DLG2: variants seen among roughly 807,000 people sequenced by gnomAD.
DLG2 encodes disks large homolog 2.
In DLG2, 45 loss-of-function variants were observed where a neutral mutation model predicts 132.5. That is an observed-to-expected ratio of 0.34 (90% confidence interval 0.27 to 0.44). The LOEUF is 0.44. DLG2 is among the 20% of genes least tolerant of loss of function. The pLI is 1.00. For synonymous variants in DLG2, 424 were observed against 419.6 expected (o/e 1.01, Z -0.13); for missense variants, 1,045 against 1,196.9 (o/e 0.87, Z 1.87).
intron 16 of DLG2, among the ~76,000 whole-genome samples, chr11:83,866,692 T>C (rs1317539463): frequency 6.6e-6 from 1 of 152,164 alleles, no homozygotes; most frequent in Non-Finnish European, 1.5e-5. Context: ...AAGGAAGATA[T>C]ACACGGTATG....
chr11:85,506,035 A>T (rs1285708544), intron 3 of DLG2, among the ~76,000 whole-genome samples: 1 of 152,138 alleles, frequency 6.6e-6, no homozygotes, highest in Admixed American at 6.6e-5. Context: ...CTCTGATGGT[A>T]GTTTGTATTT....
Position 83,838,099 on chromosome 11 carries a change from T to C in DLG2, c.1566-4329A>G, listed in dbSNP as rs146772626. Among the ~76,000 whole-genome samples the C allele has an allele frequency of 8.0e-3, 1,225 of 152,236 alleles. 13 individuals are homozygous for C. Among genetic ancestry groups the C allele is most frequent in the Non-Finnish European group, 0.014 (968 of 68,004 alleles). On this transcript the variant is annotated intron_variant, in intron 16 of 27. Transcript: ENST00000376104. The stretch of plus-strand genomic sequence containing the variant: ...AGGACTCTGACATTTGTCCCTGTGC[T>C]AGATATTGTGCTTGATGCTTTATAT...
At chr11:85,298,928 C>A (rs2152787540) in intron 3 of DLG2, among the ~76,000 whole-genome samples, 1 of 151,448 alleles carries the variant, frequency 6.6e-6, no homozygotes, top group South Asian at 2.1e-4. Flanking sequence ...GAGATTATTT[C>A]AAAAAAAATT....
intron 16 of DLG2, among the ~76,000 whole-genome samples, chr11:83,871,883 GT>G (rs894736265): frequency 1.3e-5 from 2 of 151,556 alleles, no homozygotes; most frequent in South Asian, 2.1e-4. Flanking sequence ...AATAAATTTT[GT>G]TTTTTTTCAG....
chr11:83,797,430 C>T (rs539292405), intron 17 of DLG2, among the ~76,000 whole-genome samples: 2 of 151,934 alleles, frequency 1.3e-5, no homozygotes, highest in Non-Finnish European at 2.9e-5. Flanking sequence ...GTAACTTGTC[C>T]GAGGGTACAT....
intron 7 of DLG2, among the ~76,000 whole-genome samples, chr11:84,465,959 T>TA (rs1341392298): frequency 1.4e-4 from 21 of 151,416 alleles, no homozygotes; most frequent in Middle Eastern, 6.8e-3. Flanking sequence ...TTATTATCTA[T>TA]AATTAAAATA....
At chr11:84,523,279 C>A (rs61897756) in intron 7 of DLG2, among the ~76,000 whole-genome samples, 10,691 of 152,162 alleles carry the variant, frequency 0.07, 421 homozygotes, top group African/African-American at 0.091. Flanking sequence ...GTAATCTTTA[C>A]AGCATGGAAT....
chr11:84,241,685 T>C (rs971312068), intron 8 of DLG2, among the ~76,000 whole-genome samples: 1 of 152,232 alleles, frequency 6.6e-6, no homozygotes, highest in Admixed American at 6.5e-5. Context: ...GTTTATTTTG[T>C]CCTTCCTGTA....
At chr11:84,769,342 A>G (rs1039458515) in intron 6 of DLG2, among the ~76,000 whole-genome samples, 6 of 152,172 alleles carry the variant, frequency 3.9e-5, no homozygotes, top group Non-Finnish European at 8.8e-5. Context: ...TTTAAAATAC[A>G]ATTGAAAGCT....
intron 6 of DLG2, among the ~76,000 whole-genome samples, chr11:84,820,354 C>T (rs933765969): frequency 6.6e-6 from 1 of 151,864 alleles, no homozygotes; most frequent in African/African-American, 2.4e-5. Context: ...TAACCAGTAT[C>T]CCTTTCCAGT....
intron 18 of DLG2, chr11:83,651,972 C>A (rs555085470): frequency 2.2e-6 from 1 of 445,996 alleles, no homozygotes; most frequent in Non-Finnish European, 4.7e-6. Context: ...AATCTACACA[C>A]TTAAATTCAG....
chr11:85,483,580 G>T (rs546339800), intron 3 of DLG2, among the ~76,000 whole-genome samples: 1 of 152,256 alleles, frequency 6.6e-6, no homozygotes, highest in East Asian at 1.9e-4. Flanking sequence ...ATCAAATCCA[G>T]AATACTCTAA....
At chr11:83,950,593 C>CA (rs1478293708) in intron 14 of DLG2, among the ~76,000 whole-genome samples, 2 of 152,126 alleles carry the variant, frequency 1.3e-5, no homozygotes, top group African/African-American at 4.8e-5. Context: ...AACCCTGTCT[C>CA]AAAAAACAAA....
At chr11:85,288,933 C>G (rs1037394395) in intron 3 of DLG2, among the ~76,000 whole-genome samples, 1 of 152,002 alleles carries the variant, frequency 6.6e-6, no homozygotes, top group African/African-American at 2.4e-5. Flanking sequence ...GCATTTATAT[C>G]AATAAGCTGT....
At chr11:83,508,247 T>TC (rs2139678427) in intron 21 of DLG2, among the ~76,000 whole-genome samples, 1 of 144,664 alleles carries the variant, frequency 6.9e-6, no homozygotes, top group African/African-American at 2.5e-5. Flanking sequence ...ATATACATCT[T>TC]TTTTTTTTTT....
intron 2 of DLG2, among the ~76,000 whole-genome samples, chr11:85,615,575 GATTT>G (rs1162400712): frequency 2.6e-5 from 4 of 151,840 alleles, no homozygotes; most frequent in South Asian, 2.1e-4. Flanking sequence ...CATCATTCCA[GATTT>G]ATTTATCTAG....
chr11:84,684,857 T>A (rs2099736664), intron 6 of DLG2, among the ~76,000 whole-genome samples: 1 of 152,244 alleles, frequency 6.6e-6, no homozygotes. Context: ...AACGTAATTA[T>A]AATGTGTTCC....
intron 17 of DLG2, among the ~76,000 whole-genome samples, chr11:83,828,541 T>C (rs558207241): frequency 2.0e-5 from 3 of 152,160 alleles, no homozygotes; most frequent in Non-Finnish European, 4.4e-5. Context: ...GGTAAACATG[T>C]TTTTTAGAAG....
intron 12 of DLG2, among the ~76,000 whole-genome samples, chr11:83,966,775 G>A (rs773275921): frequency 1.3e-5 from 2 of 151,708 alleles, no homozygotes; most frequent in South Asian, 2.1e-4. Flanking sequence ...TACTTATTTC[G>A]CAAAATTCCT....
Sources: allele counts gnomAD v4.1 joint callset (sites outside exome capture counted in the v4.1 genomes callset), GRCh38; gene constraint gnomAD v4.1.1; transcripts MANE v1.5; gene names NCBI Gene and HGNC (gene_info 2026-07-23, HGNC 2026-07-21).